The following SGK3 variants were observed in gnomAD, a reference collection of about 807,000 sequenced individuals.
The protein encoded by SGK3 is serum/glucocorticoid regulated kinase family member 3.
SGK3 carries 47 observed loss-of-function variants against 68.5 expected under a neutral mutation model. The ratio of observed to expected loss-of-function variants is 0.69; its 90% CI spans 0.54 to 0.87. The LOEUF is 0.87. SGK3 is among the 40% of genes least tolerant of loss of function. The pLI, the probability that SGK3 is intolerant of heterozygous loss-of-function variation, is 0.00. For synonymous variants in SGK3, 181 were observed against 189.1 expected (o/e 0.96, Z 0.35); for missense variants, 479 against 575.5 (o/e 0.83, Z 1.72).
intron 1 of SGK3, among the ~76,000 whole-genome samples, chr8:66,757,973 T>TAC (rs760216018): frequency 2.7e-5 from 4 of 146,886 alleles, no homozygotes; most frequent in African/African-American, 2.5e-5. Context: ...ACTATATATA[T>TAC]ACACACACAC....
chr8:66,714,930 T>G (rs562213853), intron 1 of SGK3, among the ~76,000 whole-genome samples: 6 of 152,214 alleles, frequency 3.9e-5, no homozygotes, highest in Non-Finnish European at 7.3e-5. Flanking sequence ...AATAAACATC[T>G]GTGGAATGAA....
At chr8:66,815,870 A>G (rs1368092031) in intron 5 of SGK3, among the ~76,000 whole-genome samples, 1 of 152,240 alleles carries the variant, frequency 6.6e-6, no homozygotes, top group East Asian at 1.9e-4. Context: ...AAAATCTTAT[A>G]CTGTGAAATA....
chr8:66,787,028 CT>C (rs1423558318), intron 1 of SGK3, among the ~76,000 whole-genome samples: 4 of 130,214 alleles, frequency 3.1e-5, no homozygotes, highest in African/African-American at 1.2e-4. Flanking sequence ...ACCTTCACCT[CT>C]TGTGTCCCAG....
chr8:66,767,264 T>C, intron 1 of SGK3: 1 of 597,284 alleles, frequency 1.7e-6, no homozygotes, highest in South Asian at 2.1e-5. Flanking sequence ...CTTTGTTCCC[T>C]TATTAGTTAT....
chr8:66,843,552 G>A lies in SGK3; in HGVS notation c.1074+5G>A, dbSNP rs755407729. 4 of 1,610,372 alleles carry A rather than the reference G, an allele frequency of 2.5e-6. No individual in the cohort carries two copies. The highest frequency in any genetic ancestry group is 1.1e-5 in the South Asian group (1 of 90,880). On this transcript the variant is annotated splice_donor_5th_base_variant and intron_variant, in intron 14 of 16. Coordinates refer to ENST00000521198, the MANE Select transcript of SGK3 (RefSeq NM_001033578.3). ...TATGAAATGCTGTATGGATTGGTAT[G>A]TATTTCTATACCTCATTATTCCAAT...
At chr8:66,812,240 A>C (rs7002788) in intron 4 of SGK3, among the ~76,000 whole-genome samples, 3,764 of 152,208 alleles carry the variant, frequency 0.025, 158 homozygotes, top group African/African-American at 0.085. Context: ...TCTCAAATCA[A>C]ATGTGTTAAG....
chr8:66,744,129 T>G (rs1205372537), intron 1 of SGK3, among the ~76,000 whole-genome samples: 6 of 152,174 alleles, frequency 3.9e-5, no homozygotes, highest in Non-Finnish European at 8.8e-5. Flanking sequence ...TTTTTTAACC[T>G]TATACTATTT....
chr8:66,845,029 C>T (rs1192413421), intron 14 of SGK3, among the ~76,000 whole-genome samples: 1 of 152,176 alleles, frequency 6.6e-6, no homozygotes, highest in Non-Finnish European at 1.5e-5. Context: ...TATCATTGCA[C>T]ATAAAATGCA....
intron 1 of SGK3, among the ~76,000 whole-genome samples, chr8:66,781,459 C>T (rs559639499): frequency 7.2e-5 from 11 of 152,306 alleles, no homozygotes; most frequent in South Asian, 4.1e-4. Flanking sequence ...AGCTGTCCTC[C>T]GGCCTCAGCC....
chr8:66,823,850 T>C (rs542625496), intron 6 of SGK3, among the ~76,000 whole-genome samples: 1 of 152,310 alleles, frequency 6.6e-6, no homozygotes, highest in South Asian at 2.1e-4. Flanking sequence ...AATTAAATTA[T>C]TATAAATGTT....
intron 2 of SGK3, among the ~76,000 whole-genome samples, chr8:66,796,321 A>ATTTTTTTTTTTTTTTTTTTTTTTTT (rs71249408): frequency 2.4e-5 from 1 of 41,360 alleles, no homozygotes; most frequent in African/African-American, 8.0e-5. Flanking sequence ...TATTTTTTGT[A>ATTTTTTTTTTTTTTTTTTTTTTTTT]TTTTTTTTTT....
At position 66,779,561 on chromosome 8, in the gene SGK3, A is replaced by AATATAG. The variant is rs1491522305; in HGVS notation, c.-121-14050_-121-14049insGATATA. On this transcript the variant is annotated intron_variant, in intron 1 of 16. Coordinates refer to ENST00000521198, the MANE Select transcript of SGK3 (RefSeq NM_001033578.3). ...ATATATATGTATATGTATGTGTGTG[A>AATATAG]ATATATATATATATATATATATATA... Among the ~76,000 whole-genome samples, 33 of 89,390 alleles carry AATATAG rather than the reference A, an allele frequency of 3.7e-4. 1 individual carries two copies. The highest frequency in any genetic ancestry group is 0.014 in the Middle Eastern group (2 of 146). 58.6% of individuals were successfully genotyped at this position (89,390 alleles called of 152,430 possible).
intron 1 of SGK3, among the ~76,000 whole-genome samples, chr8:66,747,430 C>G (rs931956455): frequency 1.3e-5 from 2 of 152,140 alleles, no homozygotes; most frequent in Non-Finnish European, 2.9e-5. Flanking sequence ...ATATATGGTA[C>G]AGAATGCCTG....
chr8:66,745,871 G>A (rs1222060035), intron 1 of SGK3, among the ~76,000 whole-genome samples: 3 of 152,160 alleles, frequency 2.0e-5, no homozygotes, highest in African/African-American at 7.2e-5. Context: ...GTGGAGGACA[G>A]TAAACCCTCT....
intron 6 of SGK3, among the ~76,000 whole-genome samples, chr8:66,827,688 C>A (rs1156864747): frequency 6.6e-6 from 1 of 152,026 alleles, no homozygotes; most frequent in Admixed American, 6.6e-5. Flanking sequence ...GAACTAGAAT[C>A]TTTTATTACT....
chr8:66,793,309 T>A (rs1249550709), intron 1 of SGK3, among the ~76,000 whole-genome samples: 2 of 152,192 alleles, frequency 1.3e-5, no homozygotes, highest in African/African-American at 2.4e-5. Context: ...ATACAAGAAG[T>A]CTGAAAACCA....
chr8:66,817,496 G>T (rs1563643591), intron 5 of SGK3, among the ~76,000 whole-genome samples: 1 of 151,686 alleles, frequency 6.6e-6, no homozygotes, highest in Non-Finnish European at 1.5e-5. Context: ...GGGACCACAG[G>T]TGTGTGCCAC....
chr8:66,751,143 T>C (rs1805804804), intron 1 of SGK3, among the ~76,000 whole-genome samples: 1 of 151,298 alleles, frequency 6.6e-6, no homozygotes, highest in African/African-American at 2.4e-5. Flanking sequence ...CTACTAAAAA[T>C]ACAAAAAAAT....
In SGK3 at chr8:66,720,634, G is replaced by A. The variant is rs544060035; in HGVS notation, c.-122+7801G>A. 2.0e-5 allele frequency among the ~76,000 whole-genome samples: 3 copies of A among 152,032 alleles called. No individual in the cohort carries two copies. In the South Asian group the frequency reaches 6.2e-4, roughly 31 times the overall value. On this transcript the variant is annotated intron_variant, in intron 1 of 16. Transcript: ENST00000521198. ...AAAATATAAAAATTAGCTGGACATA[G>A]TGGTGGGTGCCTGTAATCCCAGCTT...
Sources: allele counts gnomAD v4.1 joint callset (sites outside exome capture counted in the v4.1 genomes callset), GRCh38; gene constraint gnomAD v4.1.1; transcripts MANE v1.5; gene names NCBI Gene and HGNC (gene_info 2026-07-23, HGNC 2026-07-21).